The following FANCA variants were observed in gnomAD, a reference collection of about 807,000 sequenced individuals.
FANCA encodes Fanconi anemia group A protein.
Under a neutral mutation model 194.3 loss-of-function variants are expected in FANCA, and 236 were observed. The ratio of observed to expected loss-of-function variants is 1.21; its 90% CI spans 1.09 to 1.35. The LOEUF (loss-of-function observed/expected upper bound fraction) is 1.35. Among genes scored for constraint, FANCA ranks in the 40% most tolerant of loss-of-function variants. The pLI, the probability that FANCA is intolerant of heterozygous loss-of-function variation, is 0.00. For synonymous variants in FANCA, 1,014 were observed against 715.8 expected (o/e 1.42, Z -6.65); for missense variants, 2,628 against 1,813.9 (o/e 1.45, Z -8.15).
intron 10 of FANCA, chr16:89,798,530 C>T (rs1324467051): frequency 2.7e-6 from 3 of 1,107,404 alleles, no homozygotes; most frequent in East Asian, 4.3e-5. Flanking sequence ...TTTCTCAAGA[C>T]TTCACTTCAA....
At chr16:89,814,709 G>A (rs1456081011) in intron 2 of FANCA, 96 bp from the exon 3 acceptor site, 8 of 829,252 alleles carry the variant, frequency 9.6e-6, no homozygotes, top group South Asian at 2.7e-5. Flanking sequence ...TTGGGAGGCC[G>A]AGATGGGCAG....
At chr16:89,775,646 C>T in intron 21 of FANCA, 96 bp downstream of exon 21, 1 of 1,024,240 alleles carries the variant, frequency 9.8e-7, no homozygotes, top group Non-Finnish European at 1.5e-6. Context: ...ACAGCCACCC[C>T]CGAGCTCACT....
chr16:89,797,454 G>A (rs2040288364), intron 10 of FANCA, among the ~76,000 whole-genome samples: 1 of 152,230 alleles, frequency 6.6e-6, no homozygotes, highest in Non-Finnish European at 1.5e-5. Flanking sequence ...ACACAACAGG[G>A]TGTGGGACAT....
chr16:89,796,793 C>T (rs1245738967), intron 10 of FANCA, among the ~76,000 whole-genome samples: 1 of 152,070 alleles, frequency 6.6e-6, no homozygotes, highest in Admixed American at 6.6e-5. Flanking sequence ...GAGGCTGAGG[C>T]GGGCAGATCA....
At chr16:89,747,697 T>C (rs2038438862) in intron 33 of FANCA, among the ~76,000 whole-genome samples, 2 of 151,680 alleles carry the variant, frequency 1.3e-5, no homozygotes, top group South Asian at 4.2e-4. Flanking sequence ...CAAGACTCTG[T>C]CTCAAAAAAT....
chr16:89,764,152 G>C (rs2039046792), intron 28 of FANCA, among the ~76,000 whole-genome samples: 1 of 151,972 alleles, frequency 6.6e-6, no homozygotes, highest in African/African-American at 2.4e-5. Context: ...TGAGGCATGA[G>C]AATTGCTTGA....
chr16:89,769,145 T>C (rs2143325609), intron 26 of FANCA, among the ~76,000 whole-genome samples: 1 of 152,330 alleles, frequency 6.6e-6, no homozygotes, highest in South Asian at 2.1e-4. Context: ...AGATCTCCCC[T>C]TTCCCGCACA....
chr16:89,758,835 G>T, intron 29 of FANCA, 130 bp from the exon 30 acceptor site: 1 of 1,383,378 alleles, frequency 7.2e-7, no homozygotes, highest in Non-Finnish European at 1.0e-6. Flanking sequence ...TGGCGGCTCG[G>T]GACCTTGGAG....
At chr16:89,782,179 T>A (rs1018450733) in intron 17 of FANCA, among the ~76,000 whole-genome samples, 2 of 151,166 alleles carry the variant, frequency 1.3e-5, no homozygotes, top group Non-Finnish European at 3.0e-5. Flanking sequence ...ATCGAGATCA[T>A]CCTGGCTAAC....
chr16:89,805,498 G>A, intron 6 of FANCA, 106 bp from the exon 7 acceptor site: 1 of 800,050 alleles, frequency 1.2e-6, no homozygotes, highest in East Asian at 2.8e-5. Flanking sequence ...GTTTTTTGCT[G>A]TCACTGAGGC....
chr16:89,762,978 T>G lies in FANCA; in HGVS notation c.2779-956A>C, dbSNP rs1042719437. ...AAAAAAAAAAAAGGGTTGGGCGTGG[T>G]GGCTCACACCTGTAATCCCAGCACT... On this transcript the variant is annotated intron_variant, in intron 28 of 42. Coordinates refer to ENST00000389301, the MANE Select transcript of FANCA (RefSeq NM_000135.4). 3.4e-5 allele frequency among the ~76,000 whole-genome samples: 5 copies of G among 146,524 alleles called. No homozygotes were observed. The Admixed American group carries it at 3.4e-4, about 10-fold the overall frequency.
intron 33 of FANCA, among the ~76,000 whole-genome samples, chr16:89,747,614 G>T (rs1216159054): frequency 6.6e-6 from 1 of 152,050 alleles, no homozygotes. Flanking sequence ...CAGGAGAATC[G>T]CTTGAACCTG....
intron 14 of FANCA, among the ~76,000 whole-genome samples, chr16:89,786,166 G>A (rs994653553): frequency 4.2e-5 from 6 of 141,220 alleles, no homozygotes; most frequent in African/African-American, 1.4e-4. Flanking sequence ...CTACAAGCAC[G>A]TGCCACCAAG....
At position 89,775,807 on chromosome 16, in the gene FANCA, T is replaced by A. The variant is rs777736014; in HGVS notation, c.1835A>T (p.Lys612Ile). 6.2e-7 allele frequency: 1 copy of A among 1,610,964 alleles called. No individual in the cohort carries two copies. Among genetic ancestry groups the A allele is most frequent in the Admixed American group, 1.7e-5 (1 of 59,764 alleles). The part of the protein sequence containing the change: ...AFIESLKRAD[K>I]IPPSLYSTYC... ...GGTGGAGTACAGAGATGGGGGGATT[T>A]TATCTGCTCTGGATCACAGGAAAAC... is the stretch of plus-strand genomic sequence containing the variant. Residue 612 changes from lysine to isoleucine, a missense_variant, in exon 21 of 43, where the codon AAA becomes ATA. Transcript: ENST00000389301.
chr16:89,757,190 G>A (rs1390112899), intron 30 of FANCA, among the ~76,000 whole-genome samples: 3 of 151,806 alleles, frequency 2.0e-5, no homozygotes, highest in Non-Finnish European at 4.4e-5. Context: ...TCGAGCTCCT[G>A]AGCTCAGATG....
intron 11 of FANCA, among the ~76,000 whole-genome samples, chr16:89,793,580 C>A (rs984890642): frequency 1.3e-5 from 2 of 152,002 alleles, no homozygotes; most frequent in African/African-American, 4.8e-5. Context: ...TGCCTTGGTG[C>A]CTGGGTGGCT....
chr16:89,813,545 G>A (rs1381789576), intron 3 of FANCA, among the ~76,000 whole-genome samples: 1 of 152,084 alleles, frequency 6.6e-6, no homozygotes, highest in African/African-American at 2.4e-5. Flanking sequence ...CAATTCTCCT[G>A]CCTCAGCCTC....
In FANCA at chr16:89,740,886, C is replaced by T. The variant is rs1363510893; in HGVS notation, c.3766-20G>A. ...CAATAGCTGTAAATAAAAACGTGCA[C>T]TTATTATTACATTAAAATTACCTGT... On this transcript the variant is annotated intron_variant, in intron 37 of 42. Transcript: ENST00000389301. 6.3e-7 allele frequency: 1 copy of T among 1,595,566 alleles called. No homozygotes were observed. Among genetic ancestry groups the T allele is most frequent in the South Asian group, 1.1e-5 (1 of 89,476 alleles).
At chr16:89,779,036 C>G in intron 18 of FANCA, 33 bp from the exon 19 acceptor site, 4 of 1,608,402 alleles carry the variant, frequency 2.5e-6, no homozygotes, top group Non-Finnish European at 3.4e-6. Flanking sequence ...GTGCATCAGT[C>G]AGAGCAGCGA....
Sources: allele counts gnomAD v4.1 joint callset (sites outside exome capture counted in the v4.1 genomes callset), GRCh38; gene constraint gnomAD v4.1.1; transcripts MANE v1.5; gene names NCBI Gene and HGNC (gene_info 2026-07-23, HGNC 2026-07-21).